The following ACLY variants were observed in gnomAD, a reference collection of about 807,000 sequenced individuals.
ACLY encodes the protein ATP-citrate synthase.
Under a neutral mutation model 133.0 loss-of-function variants are expected in ACLY, and 41 were observed. That is an observed-to-expected ratio of 0.31 (90% CI 0.24 to 0.40). The LOEUF (loss-of-function observed/expected upper bound fraction) is 0.40, where lower values mean the gene tolerates loss of function less well. Ranked by LOEUF, ACLY falls within the 10% of genes least tolerant of loss-of-function variation. The probability of loss-of-function intolerance (pLI) is 1.00; values close to 1 mark genes in which losing one functional copy is unlikely to be tolerated. For synonymous variants in ACLY, 495 were observed against 549.3 expected, an observed-to-expected ratio of 0.90 and a Z score of 1.38; for missense variants, 1,046 against 1,453.8, an observed-to-expected ratio of 0.72 and a Z score of 4.56.
upstream of ACLY, among the ~76,000 whole-genome samples, chr17:41,921,385 G>A (rs1424817222): frequency 2.0e-5 from 3 of 151,382 alleles, no homozygotes; most frequent in South Asian, 2.1e-4. Context: ...TTGGGAGACC[G>A]AGGTGGAAGG....
At chr17:41,880,392 C>A (rs782146305) in intron 20 of ACLY, among the ~76,000 whole-genome samples, 6 of 152,160 alleles carry the variant, frequency 3.9e-5, no homozygotes, top group Non-Finnish European at 8.8e-5. Flanking sequence ...TTGAAAGACA[C>A]CTTAAAGCGT....
At chr17:41,921,025 C>T (rs782675112), upstream of ACLY, among the ~76,000 whole-genome samples, 6 of 150,714 alleles carry the variant, frequency 4.0e-5, no homozygotes, top group Non-Finnish European at 7.4e-5. Context: ...ACCCAGGAGG[C>T]GGAGGCAGGA....
Position 41,883,212 on chromosome 17 carries a change from A to G in ACLY, c.2175T>C (p.Tyr725=), listed in dbSNP as rs2048966039. 2.5e-6 allele frequency: 4 copies of G among 1,613,962 alleles called. No homozygotes were observed. Among genetic ancestry groups the G allele is most frequent in the Non-Finnish European group, 1.7e-6 (2 of 1,180,034 alleles). The change falls in exon 20 of 29, where the codon TAT becomes TAC. Residue 725 remains tyrosine, a synonymous_variant. Coordinates refer to ENST00000352035, the MANE Select transcript of ACLY (RefSeq NM_001096.3). ...CCTCCTTGATGCCCCGGCAAATCTTATATTCCTCAGTGCCCCCAATCTGCC... is the reference window on the plus strand; with the variant it reads ...CCTCCTTGATGCCCCGGCAAATCTTGTATTCCTCAGTGCCCCCAATCTGCC... The part of the protein sequence containing the change: ...VLGEIGGTEE[Y]KICRGIKEGR...
chr17:41,926,709 G>C (rs1329406961), intron 1 of ACLY, among the ~76,000 whole-genome samples: 3 of 152,130 alleles, frequency 2.0e-5, no homozygotes, highest in Non-Finnish European at 4.4e-5. Flanking sequence ...GGCTGATCTT[G>C]AACTCCTGAC....
At position 41,904,759 on chromosome 17, in the gene ACLY, T is replaced by G. The variant is rs1412230781; in HGVS notation, c.1035A>C (p.Ala345=). ...ACGTGGCAGCCACGTTGGTGAAGTT[T>G]GCGATGCTGCCTCCAATGATGAGGA... ...GKILIIGGSI[A]NFTNVAATFK... Residue 345 remains alanine, a synonymous_variant, in exon 10 of 29, where the codon GCA becomes GCC. Transcript: ENST00000352035. The G allele has an allele frequency of 6.2e-7, 1 of 1,613,990 alleles. No individual in the cohort carries two copies. The highest frequency in any genetic ancestry group is 1.3e-5 in the African/African-American group (1 of 74,932).
chr17:41,919,814 C>G (rs782680428), upstream of ACLY, among the ~76,000 whole-genome samples: 3 of 152,214 alleles, frequency 2.0e-5, no homozygotes, highest in Non-Finnish European at 4.4e-5. Context: ...ATTTTCCAAA[C>G]CAAAAACTGG....
intron 11 of ACLY, among the ~76,000 whole-genome samples, 155 bp downstream of exon 11, chr17:41,901,541 C>T (rs570866350): frequency 3.9e-4 from 59 of 152,126 alleles, no homozygotes; most frequent in African/African-American, 1.3e-3. Context: ...GGATAGCACT[C>T]TGTGTTGGGA....
intron 22 of ACLY, among the ~76,000 whole-genome samples, chr17:41,874,495 A>G (rs1555625664): frequency 1.3e-5 from 2 of 150,606 alleles, no homozygotes; most frequent in African/African-American, 4.9e-5. Context: ...CTGGTCTTAA[A>G]CTCTTGTGCT....
chr17:41,916,824 C>G (rs782188276), intron 1 of ACLY, among the ~76,000 whole-genome samples: 1 of 152,014 alleles, frequency 6.6e-6, no homozygotes, highest in East Asian at 1.9e-4. Flanking sequence ...GACAATGATC[C>G]GATGGCCCAC....
At chr17:41,889,554 A>G (rs957952256) in intron 16 of ACLY, among the ~76,000 whole-genome samples, 1 of 150,024 alleles carries the variant, frequency 6.7e-6, no homozygotes, top group Admixed American at 6.7e-5. Flanking sequence ...AAAAAAAAAA[A>G]AAGAAGTAGC....
At chr17:41,901,295 C>A (rs561109618) in intron 11 of ACLY, among the ~76,000 whole-genome samples, 1 of 152,072 alleles carries the variant, frequency 6.6e-6, no homozygotes, top group African/African-American at 2.4e-5. Context: ...TTGAAGGCTG[C>A]CCCGACCCCT....
Position 41,884,288 on chromosome 17 carries a change from G to C in ACLY, c.2073-14C>G. On this transcript the variant is annotated splice_polypyrimidine_tract_variant and intron_variant, in intron 18 of 28. Transcript: ENST00000352035. ...GAGCCCGGGTACCTGTTGAGAGCAGGGAGTATCAGGATACAGGATCAGGAG... is the reference window on the plus strand; with the variant it reads ...GAGCCCGGGTACCTGTTGAGAGCAGCGAGTATCAGGATACAGGATCAGGAG... 1 of 1,564,990 alleles carries C rather than the reference G, an allele frequency of 6.4e-7. No homozygotes were observed. Among genetic ancestry groups the C allele is most frequent in the Non-Finnish European group, 8.8e-7 (1 of 1,135,320 alleles).
chr17:41,868,924 C>T, intron 27 of ACLY, 119 bp downstream of exon 27: 1 of 1,352,244 alleles, frequency 7.4e-7, no homozygotes, highest in South Asian at 1.2e-5. Context: ...TTGTTTTCTT[C>T]TTTATACCTC....
In ACLY at chr17:41,892,176, G is replaced by A. The variant is rs11871744; in HGVS notation, c.1770+103C>T. On this transcript the variant is annotated intron_variant, in intron 16 of 28. Coordinates refer to ENST00000352035, the MANE Select transcript of ACLY (RefSeq NM_001096.3). ...GCAGCAGTGACGGGACATCAACCAG[G>A]AGCCATTCCTGCTTCCCCACCCTCT... 8.2e-3 allele frequency: 9,574 copies of A among 1,167,650 alleles called. 638 individuals carry two copies. The African/African-American group carries it at 0.14, about 17-fold the overall frequency. The allele number at this position is 1,167,650 out of a possible 1,614,324, so 72.3% of individuals were successfully genotyped here.
intron 1 of ACLY, among the ~76,000 whole-genome samples, chr17:41,929,907 T>G (rs2050296338): frequency 6.6e-6 from 1 of 152,128 alleles, no homozygotes; most frequent in Non-Finnish European, 1.5e-5. Flanking sequence ...TAAAGACATC[T>G]TTTTACTATT....
intron 27 of ACLY, 63 bp downstream of exon 27, chr17:41,868,980 A>G: frequency 1.4e-6 from 2 of 1,462,390 alleles, no homozygotes; most frequent in South Asian, 2.4e-5. Context: ...TTACTTTTAT[A>G]GTTTGGAGGA....
chr17:41,875,406 C>CCTCCCTCTCCCT (rs1296087657), intron 22 of ACLY, among the ~76,000 whole-genome samples: 7 of 143,042 alleles, frequency 4.9e-5, no homozygotes, highest in African/African-American at 1.8e-4. Context: ...GGGGAGCCCC[C>CCTCCCTCTCCCT]CTCCCTCTCC....
At position 41,905,414 on chromosome 17, in the gene ACLY, A is replaced by C. The variant is rs2049684304; in HGVS notation, c.1003+108T>G. ...TTCAATGATTAGCCTCAAGTTGCAA[A>C]GGACCACACACAGCCTTGGTGACTC... On this transcript the variant is annotated intron_variant, in intron 9 of 28. Transcript: ENST00000352035. The C allele has an allele frequency of 2.1e-6, 3 of 1,443,566 alleles. No individual in the cohort carries two copies. In the Admixed American group the frequency reaches 5.5e-5, roughly 26 times the overall value. 89.4% of individuals were successfully genotyped at this position (1,443,566 alleles called of 1,614,324 possible).
Position 41,893,174 on chromosome 17 carries a change from C to T in ACLY, c.1460G>A (p.Gly487Glu), listed in dbSNP as rs782637917. The T allele has an allele frequency of 8.7e-6, 14 of 1,611,762 alleles. No homozygotes were observed. Among genetic ancestry groups the T allele is most frequent in the Non-Finnish European group, 1.2e-5 (14 of 1,178,702 alleles). Residue 487 changes from glycine (G) to glutamate (E), a missense_variant and splice_region_variant, in exon 15 of 29, where the codon GGA becomes GAA. Around this residue, in one of 4 missense-constraint regions of ACLY, gnomAD observed 575 missense variants for 804.2 expected, o/e 0.71. Transcript: ENST00000352035. ...GCGGCTGAAGAGGGTGGTGCTCTTT[C>T]CTGGTGGGCAAAGACACAGAGAGTG... Reference protein sequence around the residue: ...DSVPSPRSLQGKSTTLFSRHT... With the variant: ...DSVPSPRSLQEKSTTLFSRHT...
Sources: allele counts gnomAD v4.1 joint callset (sites outside exome capture counted in the v4.1 genomes callset), GRCh38; gene constraint gnomAD v4.1.1; regional missense constraint gnomAD v4.1.1; transcripts MANE v1.5; gene names NCBI Gene and HGNC (gene_info 2026-07-23, HGNC 2026-07-21).